SSBP3: variants seen among roughly 807,000 people sequenced by gnomAD.
SSBP3 encodes single-stranded DNA-binding protein 3.
In SSBP3, 5 loss-of-function variants were observed where a neutral mutation model predicts 69.6. The observed-to-expected ratio is 0.07, with a 90% CI of 0.04 to 0.15. SSBP3 has a LOEUF of 0.15. Among genes scored for constraint, SSBP3 ranks in the 10% least tolerant of loss-of-function variants. The pLI, the probability that SSBP3 is intolerant of heterozygous loss-of-function variation, is 1.00. For missense variants in SSBP3, 312 were observed against 534.0 expected (o/e 0.58, Z 4.10); for synonymous variants, 196 against 193.4 (o/e 1.01, Z -0.11).
intron 5 of SSBP3, among the ~76,000 whole-genome samples, chr1:54,266,021 T>C (rs1403887349): frequency 6.6e-6 from 1 of 152,234 alleles, no homozygotes; most frequent in Non-Finnish European, 1.5e-5. Flanking sequence ...AGTGATGGTT[T>C]CCCAAACAAA....
At chr1:54,341,960 G>A (rs1646615864) in intron 4 of SSBP3, among the ~76,000 whole-genome samples, 1 of 152,224 alleles carries the variant, frequency 6.6e-6, no homozygotes, top group East Asian at 1.9e-4. Flanking sequence ...GTGGCTGGAG[G>A]GCAAAGAGGG....
At chr1:54,263,368 C>T (rs1645047870) in intron 5 of SSBP3, among the ~76,000 whole-genome samples, 1 of 152,190 alleles carries the variant, frequency 6.6e-6, no homozygotes, top group Non-Finnish European at 1.5e-5. Context: ...CCACATTATG[C>T]GGGCCTGGGA....
At chr1:54,242,128 C>A (rs1457849996) in intron 11 of SSBP3, 36 bp downstream of exon 11, 2 of 1,611,090 alleles carry the variant, frequency 1.2e-6, no homozygotes, top group African/African-American at 2.7e-5. Flanking sequence ...AACCGCTCCC[C>A]TGACAAACAC....
At chr1:54,263,815 C>T (rs1401452158) in intron 5 of SSBP3, among the ~76,000 whole-genome samples, 1 of 152,178 alleles carries the variant, frequency 6.6e-6, no homozygotes, top group Non-Finnish European at 1.5e-5. Flanking sequence ...GACCACACTG[C>T]CATGGGCAAG....
At chr1:54,410,371 AC>A (rs1649958041), upstream of SSBP3, among the ~76,000 whole-genome samples, 1 of 152,118 alleles carries the variant, frequency 6.6e-6, no homozygotes, top group African/African-American at 2.4e-5. Flanking sequence ...AGGCCCATGA[AC>A]TCAACCCAGG....
chr1:54,270,461 T>TA (rs1645174107), intron 5 of SSBP3, among the ~76,000 whole-genome samples: 1 of 152,146 alleles, frequency 6.6e-6, no homozygotes, highest in Admixed American at 6.5e-5. Context: ...AGTAACGTGT[T>TA]AAAGGGCCAA....
chr1:54,247,687 C>T (rs779795848), intron 9 of SSBP3, among the ~76,000 whole-genome samples: 2 of 152,138 alleles, frequency 1.3e-5, no homozygotes, highest in Non-Finnish European at 2.9e-5. Context: ...AGCCTGAATA[C>T]CAGAAACAAC....
chr1:54,396,859 G>T (rs904851803), intron 4 of SSBP3, among the ~76,000 whole-genome samples: 2 of 152,184 alleles, frequency 1.3e-5, no homozygotes, highest in African/African-American at 4.8e-5. Flanking sequence ...GCAATTTGGG[G>T]TCTTGCCGCC....
intron 14 of SSBP3, among the ~76,000 whole-genome samples, chr1:54,233,339 C>T (rs1644418573): frequency 6.6e-6 from 1 of 151,202 alleles, no homozygotes; most frequent in South Asian, 2.1e-4. Flanking sequence ...AGGAGCGTCT[C>T]TGCCCGGCCG....
intron 4 of SSBP3, among the ~76,000 whole-genome samples, chr1:54,371,086 G>T (rs549744789): frequency 7.9e-5 from 12 of 152,314 alleles, no homozygotes; most frequent in Admixed American, 5.9e-4. Flanking sequence ...CCACCCAAGG[G>T]GGGGTATGCT....
chr1:54,358,824 G>A (rs759885458), intron 4 of SSBP3, among the ~76,000 whole-genome samples: 2 of 152,206 alleles, frequency 1.3e-5, no homozygotes, highest in African/African-American at 2.4e-5. Context: ...TAACATTTAG[G>A]TAAGGTTGGG....
intron 4 of SSBP3, among the ~76,000 whole-genome samples, chr1:54,345,339 G>A (rs1646672267): frequency 6.6e-6 from 1 of 152,086 alleles, no homozygotes; most frequent in Non-Finnish European, 1.5e-5. Context: ...CAGCTACCAA[G>A]GCAGCCTGGA....
At chr1:54,386,508 CCA>C (rs1218539549) in intron 4 of SSBP3, among the ~76,000 whole-genome samples, 1 of 151,962 alleles carries the variant, frequency 6.6e-6, no homozygotes, top group Non-Finnish European at 1.5e-5. Context: ...GTTCTCACCC[CCA>C]GTTCCAAGGT....
At chr1:54,316,156 AGCAC>A (rs1646093614) in intron 4 of SSBP3, among the ~76,000 whole-genome samples, 3 of 150,774 alleles carry the variant, frequency 2.0e-5, no homozygotes, top group East Asian at 4.0e-4. Context: ...CATCCTGGCT[AGCAC>A]ACAGTGAAAC....
intron 4 of SSBP3, among the ~76,000 whole-genome samples, chr1:54,376,079 A>G (rs1647224296): frequency 6.6e-6 from 1 of 152,148 alleles, no homozygotes; most frequent in African/African-American, 2.4e-5. Context: ...ACAATCAGTT[A>G]TGCAAACAGG....
chr1:54,239,697 G>A (rs1023652182), intron 13 of SSBP3, among the ~76,000 whole-genome samples: 1 of 152,226 alleles, frequency 6.6e-6, no homozygotes, highest in African/African-American at 2.4e-5. Context: ...GGTGCATGTG[G>A]CCCAGTCGGA....
In SSBP3 at chr1:54,284,463, A is replaced by T. The variant is rs919698158; in HGVS notation, c.277-2936T>A. Among the ~76,000 whole-genome samples the T allele has an allele frequency of 1.1e-4, 16 of 149,454 alleles. No individual in the cohort carries two copies. The South Asian group carries it at 1.5e-3, about 14-fold the overall frequency. On this transcript the variant is annotated intron_variant, in intron 4 of 17. Coordinates refer to ENST00000610401, the Ensembl canonical transcript of SSBP3. ...CTAGACTAAGGGTAAGTTATAATTTAAAAAAAAAATTAAAATTATTATTAT... is the reference window on the plus strand; with the variant it reads ...CTAGACTAAGGGTAAGTTATAATTTTAAAAAAAAATTAAAATTATTATTAT...
At chr1:54,407,725 C>CCTTGAAA (rs1649877384), upstream of SSBP3, among the ~76,000 whole-genome samples, 1 of 145,736 alleles carries the variant, frequency 6.9e-6, no homozygotes, top group African/African-American at 2.5e-5. Context: ...TTTAGGGGAG[C>CCTTGAAA]CTTGAAACTG....
chr1:54,407,140 G>A (rs1649837767), upstream of SSBP3, among the ~76,000 whole-genome samples: 1 of 152,066 alleles, frequency 6.6e-6, no homozygotes, highest in Non-Finnish European at 1.5e-5. Flanking sequence ...CCCTTGGCGT[G>A]CTTTGGGGAG....
Sources: gnomAD v4.1 joint callset for allele counts (sites outside exome capture counted in the v4.1 genomes callset) on GRCh38, gnomAD v4.1.1 for gene constraint, MANE v1.5 for transcripts, NCBI Gene and HGNC (gene_info 2026-07-23, HGNC 2026-07-21) for gene names.